Variants in ZNF628 observed in about 807,000 individuals in gnomAD.
The protein encoded by ZNF628 is zinc finger protein 628, also known as zinc finger protein Zec.
A neutral mutation model predicts 2.5 loss-of-function variants in ZNF628; 3 were observed. That is an observed-to-expected ratio of 1.19 (90% CI 0.54 to 3.07). ZNF628 has a LOEUF of 3.07. Ranked by LOEUF, ZNF628 falls within the 30% of genes most tolerant of loss-of-function variation. The pLI is 0.03. For missense variants in ZNF628, 1,610 were observed against 1,517.1 expected, an observed-to-expected ratio of 1.06 and a Z score of -1.02; for synonymous variants, 861 against 717.1, an observed-to-expected ratio of 1.20 and a Z score of -3.21.
chr19:55,481,352 C>A lies in ZNF628; in HGVS notation c.159C>A (p.His53Gln). 6.2e-7 allele frequency: 1 copy of A among 1,612,858 alleles called. No homozygotes were observed. The highest frequency in any genetic ancestry group is 8.5e-7 in the Non-Finnish European group (1 of 1,179,700). Residue 53 changes from histidine to glutamine, a missense_variant, in exon 3 of 3, where the codon CAC (histidine) becomes CAA (glutamine). Coordinates refer to ENST00000598519, the MANE Select transcript of ZNF628 (RefSeq NM_033113.3). ...TCCGGTGGTCGTCCCGGCTCCTGCA[C>A]CACCAGCGCACGCACACAGGCGAGC... ...KSFRWSSRLL[H>Q]HQRTHTGERP...
chr19:55,481,005 A>G (rs1441028432), intron 2 of ZNF628, among the ~76,000 whole-genome samples, 196 bp from the exon 3 acceptor site: 1 of 152,198 alleles, frequency 6.6e-6, no homozygotes, highest in African/African-American at 2.4e-5. Flanking sequence ...TTCAGCACTG[A>G]AAGTGCAGCA....
rs112407198 is a variant in ZNF628 at position 55,484,034 on chromosome 19, T to C, written c.2841T>C (p.Thr947=). The change falls in exon 3 of 3, where the codon ACT becomes ACC. Residue 947 remains threonine (T), a synonymous_variant. Transcript: ENST00000598519. ...TGAGCGGGGCCGATGGCGAACAGAC[T>C]CGACTCTGCGTACAGGAGGTAGAAA... is the stretch of plus-strand genomic sequence containing the variant. ...LVLSGADGEQ[T]RLCVQEVETL... is the part of the protein sequence containing the mutation. 17,773 of 1,595,974 alleles carry C rather than the reference T, an allele frequency of 0.011. 361 individuals are homozygous for C. The highest frequency in any genetic ancestry group is 0.083 in the African/African-American group (6,153 of 74,534).
In ZNF628 at chr19:55,482,787, C is replaced by T; in HGVS notation, c.1594C>T (p.His532Tyr). The change falls in exon 3 of 3, where the codon CAC (histidine) becomes TAC (tyrosine). Residue 532 changes from histidine to tyrosine, a missense_variant. Transcript: ENST00000598519. ...CCACTACCAGTACCACCTGCGGCTG[C>T]ACTCTGGCGAGCGGCCCTACGCCTG... ...SSHYQYHLRL[H>Y]SGERPYACGE... 2 of 1,610,676 alleles carry T rather than the reference C, an allele frequency of 1.2e-6. No individual in the cohort carries two copies. The highest frequency in any genetic ancestry group is 1.7e-6 in the Non-Finnish European group (2 of 1,178,066).
chr19:55,484,116 C>G lies in ZNF628; in HGVS notation c.2923C>G (p.Leu975Val). 1.3e-6 allele frequency: 2 copies of G among 1,592,110 alleles called. No homozygotes were observed. The highest frequency in any genetic ancestry group is 1.7e-6 in the Non-Finnish European group (2 of 1,171,256). ...PATGPPGQKL[L>V]IIRSAPATEL... ...CACCGGCCCACCCGGACAGAAACTC[C>G]TCATCATCCGCAGCGCCCCAGCCAC... The change falls in exon 3 of 3, where the codon CTC becomes GTC. Residue 975 changes from leucine to valine, a missense_variant. Transcript: ENST00000598519.
rs1292985747 is a variant in ZNF628, at chr19:55,479,687, CCT to C, written c.-77-142_-77-141del. 6 of 372,722 alleles carry C rather than the reference CCT, an allele frequency of 1.6e-5. No individual in the cohort carries two copies. Among genetic ancestry groups the C allele is most frequent in the Non-Finnish European group, 2.4e-5 (5 of 209,876 alleles). 23.1% of individuals were successfully genotyped at this position (372,722 alleles called of 1,614,324 possible). A position where few individuals can be genotyped will look rare whatever the true frequency, so the allele number is the denominator to read the frequency against. The stretch of plus-strand genomic sequence containing the variant: ...ACCCACTAGATGCCAGGAGCACTTG[CCT>C]CTCTAGTTAACAGATAACCCCAAAT... On this transcript the variant is annotated intron_variant, in intron 1 of 2. Transcript: ENST00000598519. The surrounding 1 kb of genome is among the most constrained non-coding windows in gnomAD (Gnocchi z 5.1).
At chr19:55,481,066 C>A in intron 2 of ZNF628, 135 bp from the exon 3 acceptor site, 2 of 1,201,724 alleles carry the variant, frequency 1.7e-6, no homozygotes, top group Non-Finnish European at 2.3e-6. Context: ...TGGAGACCCT[C>A]ATCCTAAGGA....
At position 55,481,198 on chromosome 19, in the gene ZNF628, C is replaced by G; in HGVS notation, c.8-3C>G. The G allele has an allele frequency of 6.5e-7, 1 of 1,533,202 alleles. No homozygotes were observed. 95.0% of individuals were successfully genotyped at this position (1,533,202 alleles called of 1,614,324 possible). On this transcript the variant is annotated splice_polypyrimidine_tract_variant and splice_region_variant and intron_variant, in intron 2 of 2. Coordinates refer to ENST00000598519, the MANE Select transcript of ZNF628 (RefSeq NM_033113.3). ...AGCCGCTGACCCAGAATCCCTCCCC[C>G]AGGTGTGATGGTCGGCTCCCACGCG...
chr19:55,483,760 T>C lies in ZNF628; in HGVS notation c.2567T>C (p.Leu856Pro). 6.2e-7 allele frequency: 1 copy of C among 1,613,410 alleles called. No individual in the cohort carries two copies. The highest frequency in any genetic ancestry group is 8.5e-7 in the Non-Finnish European group (1 of 1,179,618). Residue 856 changes from leucine (L) to proline (P), a missense_variant, in exon 3 of 3, where the codon CTC (leucine) becomes CCC (proline). By Grantham distance (98) the Leu-to-Pro change is moderately conservative. Coordinates refer to ENST00000598519, the MANE Select transcript of ZNF628 (RefSeq NM_033113.3). ...QPAQEVTTVQ[L>P]QPAQEVTTVQ... ...GCACAGGAAGTAACCACGGTCCAGC[T>C]CCAGCCAGCACAGGAGGTGACCACG...
chr19:55,484,392 C>CAAA lies in ZNF628; in HGVS notation c.*19_*20insAAA. ...GTTTTGAGGAGAGGCAGTGATTCCC[C>CAAA]TCCCGCCCCGCACAGAGACCCCGAC... On this transcript the variant is annotated 3_prime_UTR_variant, in exon 3 of 3. Coordinates refer to ENST00000598519, the MANE Select transcript of ZNF628 (RefSeq NM_033113.3). The CAAA allele has an allele frequency of 1.4e-6, 2 of 1,438,976 alleles. No homozygotes were observed. The highest frequency in any genetic ancestry group is 3.0e-5 in the South Asian group (2 of 67,104). The allele number at this position is 1,438,976 out of a possible 1,614,324, so 89.1% of individuals were successfully genotyped here.
rs756621589 is a variant in ZNF628, at chr19:55,477,992, TTC to T, written c.-78+1188_-78+1189del. Reference sequence around the variant, plus strand: ...AAGCACACTGGTTATATAGTAGCGGTTCTCATCTGGGGGCAACGGTGCTCCCC... The same window carrying T: ...AAGCACACTGGTTATATAGTAGCGGTTCATCTGGGGGCAACGGTGCTCCCC... On this transcript the variant is annotated intron_variant, in intron 1 of 2. Transcript: ENST00000598519. Among the ~76,000 whole-genome samples the T allele has an allele frequency of 6.3e-4, 96 of 152,228 alleles. 1 individual carries two copies. Among genetic ancestry groups the T allele is most frequent in the Non-Finnish European group, 1.1e-3 (78 of 68,012 alleles).
In ZNF628 at chr19:55,482,903, C is replaced by T. The variant is rs748239369; in HGVS notation, c.1710C>T (p.Val570=). 5.0e-6 allele frequency: 8 copies of T among 1,607,576 alleles called. No homozygotes were observed. The highest frequency in any genetic ancestry group is 5.9e-6 in the Non-Finnish European group (7 of 1,177,592). ...HTGERPHACG[V]CGKSFAQTSN... ...GCGAGAGGCCCCACGCCTGCGGTGTCTGCGGCAAGAGCTTCGCGCAGACCT... is the reference window on the plus strand; with the variant it reads ...GCGAGAGGCCCCACGCCTGCGGTGTTTGCGGCAAGAGCTTCGCGCAGACCT... Residue 570 remains valine, a synonymous_variant, in exon 3 of 3, where the codon GTC becomes GTT. Transcript: ENST00000598519.
Position 55,482,199 on chromosome 19 carries a change from G to C in ZNF628, c.1006G>C (p.Asp336His). ...QEAPAEAPKA[D>H]QPPSPLPQPP... is the part of the protein sequence containing the mutation. ...GGCACCCGCCGAGGCGCCCAAGGCCGACCAGCCACCGTCCCCTCTGCCGCA... is the reference window on the plus strand; with the variant it reads ...GGCACCCGCCGAGGCGCCCAAGGCCCACCAGCCACCGTCCCCTCTGCCGCA... Residue 336 changes from aspartate to histidine, a missense_variant, in exon 3 of 3, where the codon GAC (aspartate) becomes CAC (histidine). Around this residue, in one of 5 missense-constraint regions of ZNF628, gnomAD observed 651 missense variants for 575.6 expected, o/e 1.13. Transcript: ENST00000598519. 2 of 1,488,802 alleles carry C rather than the reference G, an allele frequency of 1.3e-6. No homozygotes were observed. Among genetic ancestry groups the C allele is most frequent in the African/African-American group, 1.5e-5 (1 of 68,128 alleles). 92.2% of individuals were successfully genotyped at this position (1,488,802 alleles called of 1,614,324 possible).
chr19:55,484,289 G>A lies in ZNF628; in HGVS notation c.3096G>A (p.Gly1032=), dbSNP rs1260427271. Reference sequence around the variant, plus strand: ...TGCAAGTGGTCCCCGCAGGAGCTGGGCCTGGTGTTATGACCCCTCAGGGCC... The same window carrying A: ...TGCAAGTGGTCCCCGCAGGAGCTGGACCTGGTGTTATGACCCCTCAGGGCC... The part of the protein sequence containing the change: ...QMVQVVPAGA[G]PGVMTPQGLP... Residue 1032 remains glycine (G), a synonymous_variant, in exon 3 of 3, where the codon GGG becomes GGA. Transcript: ENST00000598519. The A allele has an allele frequency of 4.6e-6, 7 of 1,536,918 alleles. No individual in the cohort carries two copies. Among genetic ancestry groups the A allele is most frequent in the South Asian group, 3.6e-5 (3 of 82,640 alleles).
chr19:55,484,086 C>A lies in ZNF628; in HGVS notation c.2893C>A (p.Pro965Thr). The change falls in exon 3 of 3, where the codon CCT becomes ACT. Residue 965 changes from proline (P) to threonine (T), a missense_variant. Physicochemically the swap from Pro to Thr is conservative, Grantham distance 38. Around this residue, in one of 5 missense-constraint regions of ZNF628, gnomAD observed 712 missense variants for 603.6 expected, o/e 1.18. Coordinates refer to ENST00000598519, the MANE Select transcript of ZNF628 (RefSeq NM_033113.3). ...ETLPPGLTEP[P>T]ATGPPGQKLL... ...ACTTCCTCCTGGGCTGACGGAGCCGCCTGCCACCGGCCCACCCGGACAGAA... is the reference window on the plus strand; with the variant it reads ...ACTTCCTCCTGGGCTGACGGAGCCGACTGCCACCGGCCCACCCGGACAGAA... The A allele has an allele frequency of 6.3e-7, 1 of 1,592,848 alleles. No individual in the cohort carries two copies. Among genetic ancestry groups the A allele is most frequent in the Non-Finnish European group, 8.5e-7 (1 of 1,171,294 alleles).
chr19:55,482,174 G>A lies in ZNF628; in HGVS notation c.981G>A (p.Glu327=), dbSNP rs1322716961. The A allele has an allele frequency of 6.7e-7, 1 of 1,494,790 alleles. No individual in the cohort carries two copies. Among genetic ancestry groups the A allele is most frequent in the Non-Finnish European group, 8.9e-7 (1 of 1,126,932 alleles). The allele number at this position is 1,494,790 out of a possible 1,614,324, so 92.6% of individuals were successfully genotyped here. A position where few individuals can be genotyped will look rare whatever the true frequency, so the allele number is the denominator to read the frequency against. The change falls in exon 3 of 3, where the codon GAG becomes GAA. Residue 327 remains glutamate (E), a synonymous_variant. Transcript: ENST00000598519. The stretch of plus-strand genomic sequence containing the variant: ...CCGATGCGGCGCCCCAGCCCCAGGA[G>A]GCACCCGCCGAGGCGCCCAAGGCCG... ...PGPDAAPQPQ[E]APAEAPKADQ...
In ZNF628 at chr19:55,482,155, CGGCGCCCCAGCCCCAGGA is replaced by C; in HGVS notation, c.966_983del (p.Gln324_Pro329del). The C allele has an allele frequency of 6.7e-7, 1 of 1,499,120 alleles. No homozygotes were observed. Among genetic ancestry groups the C allele is most frequent in the Non-Finnish European group, 8.9e-7 (1 of 1,128,366 alleles). 92.9% of individuals were successfully genotyped at this position (1,499,120 alleles called of 1,614,324 possible). ...CACCAGCCGTGCCCCGGGCCCGATG[CGGCGCCCCAGCCCCAGGA>C]GGCACCCGCCGAGGCGCCCAAGGCC... On this transcript the variant is annotated inframe_deletion, in exon 3 of 3. Transcript: ENST00000598519.
chr19:55,483,943 G>C lies in ZNF628; in HGVS notation c.2750G>C (p.Gly917Ala), dbSNP rs758347356. The C allele has an allele frequency of 6.4e-7, 1 of 1,573,438 alleles. No homozygotes were observed. Among genetic ancestry groups the C allele is most frequent in the Non-Finnish European group, 8.6e-7 (1 of 1,158,756 alleles). ...GCGGGGGATGGCGAGGCCAGCACTG[G>C]TGTGGTCCAGGATGTCCTCTTTGAG... Reference protein sequence around the residue: ...GEAGDGEASTGVVQDVLFETL... With the variant: ...GEAGDGEASTAVVQDVLFETL... Residue 917 changes from glycine to alanine, a missense_variant, in exon 3 of 3, where the codon GGT (glycine) becomes GCT (alanine). Coordinates refer to ENST00000598519, the MANE Select transcript of ZNF628 (RefSeq NM_033113.3).
In ZNF628 at chr19:55,484,244, G is replaced by A; in HGVS notation, c.3051G>A (p.Gly1017=). 1 of 1,548,524 alleles carries A rather than the reference G, an allele frequency of 6.5e-7. No homozygotes were observed. Among genetic ancestry groups the A allele is most frequent in the Non-Finnish European group, 8.7e-7 (1 of 1,146,142 alleles). The change falls in exon 3 of 3, where the codon GGG becomes GGA. Residue 1017 remains glycine, a synonymous_variant. Coordinates refer to ENST00000598519, the MANE Select transcript of ZNF628 (RefSeq NM_033113.3). ...CCTCGGGCCCCGCGGGGCTCCCCGG[G>A]GCTCCAGCCTCCCAGATGGTGCAAG... ...GPASGPAGLP[G]APASQMVQVV...
chr19:55,482,510 C>A lies in ZNF628; in HGVS notation c.1317C>A (p.Val439=), dbSNP rs1446035185. 2.0e-6 allele frequency: 3 copies of A among 1,470,638 alleles called. No homozygotes were observed. The East Asian group carries it at 7.5e-5, about 37-fold the overall frequency. 91.1% of individuals were successfully genotyped at this position (1,470,638 alleles called of 1,614,324 possible). Reference sequence around the variant, plus strand: ...AACCGCTGGCGCCTGCCGCCCCCGTCCCGCCGCCACCCCCGTCCGCCCCCG... The same window carrying A: ...AACCGCTGGCGCCTGCCGCCCCCGTACCGCCGCCACCCCCGTCCGCCCCCG... ...PQEPLAPAAP[V]PPPPPSAPAS... Residue 439 remains valine, a synonymous_variant, in exon 3 of 3, where the codon GTC becomes GTA. Transcript: ENST00000598519.
Sources: gnomAD v4.1 joint callset for allele counts (sites outside exome capture counted in the v4.1 genomes callset) on GRCh38, gnomAD v4.1.1 for gene constraint, gnomAD v4.1.1 regional missense constraint, Gnocchi (gnomAD v3.1) non-coding constraint, MANE v1.5 for transcripts, NCBI Gene and HGNC (gene_info 2026-07-23, HGNC 2026-07-21) for gene names.